Variants in TCERG1L observed in about 807,000 individuals in gnomAD.
TCERG1L encodes transcription elongation regulator 1 like.
TCERG1L carries 37 observed loss-of-function variants against 56.3 expected under a neutral mutation model. The observed-to-expected ratio is 0.66, with a 90% CI of 0.51 to 0.87. TCERG1L has a LOEUF of 0.87. Ranked by LOEUF, TCERG1L falls within the 40% of genes least tolerant of loss-of-function variation. TCERG1L has a pLI of 0.00. For missense variants in TCERG1L, 799 were observed against 774.2 expected (o/e 1.03, Z -0.38); for synonymous variants, 324 against 326.3 (o/e 0.99, Z 0.08).
At chr10:131,196,104 A>G (rs1015690098) in intron 4 of TCERG1L, among the ~76,000 whole-genome samples, 4 of 152,248 alleles carry the variant, frequency 2.6e-5, no homozygotes, top group Non-Finnish European at 4.4e-5. Flanking sequence ...CCCAGTATTC[A>G]TGGTACTCCC....
chr10:131,196,576 A>G (rs10765047), intron 4 of TCERG1L, among the ~76,000 whole-genome samples: 56,186 of 152,114 alleles, frequency 0.37, 10,558 homozygotes, highest in Middle Eastern at 0.46. Flanking sequence ...TGAAAACTCT[A>G]TGATCAGTGC....
intron 3 of TCERG1L, among the ~76,000 whole-genome samples, chr10:131,292,063 A>G (rs992573299): frequency 1.3e-5 from 2 of 152,164 alleles, no homozygotes; most frequent in African/African-American, 4.8e-5. Flanking sequence ...TCAAAATGTA[A>G]AAGTATATAA....
At chr10:131,218,747 A>C (rs768491111) in intron 4 of TCERG1L, among the ~76,000 whole-genome samples, 5 of 152,186 alleles carry the variant, frequency 3.3e-5, no homozygotes, top group Non-Finnish European at 7.3e-5. Flanking sequence ...TCCTCCGGGA[A>C]GCAGCTGGGC....
At chr10:131,206,627 G>A (rs969938663) in intron 4 of TCERG1L, among the ~76,000 whole-genome samples, 11 of 152,160 alleles carry the variant, frequency 7.2e-5, no homozygotes, top group African/African-American at 2.4e-4. Flanking sequence ...CAGAGGTCAC[G>A]TGTTCCCAAA....
At chr10:131,175,587 G>C (rs1307610041) in intron 4 of TCERG1L, among the ~76,000 whole-genome samples, 1 of 152,234 alleles carries the variant, frequency 6.6e-6, no homozygotes. Context: ...ATGAGTAAAT[G>C]AATGAGCTGA....
At chr10:131,200,780 A>G (rs1845423879) in intron 4 of TCERG1L, among the ~76,000 whole-genome samples, 3 of 152,214 alleles carry the variant, frequency 2.0e-5, no homozygotes, top group Non-Finnish European at 1.5e-5. Context: ...GTAGAATAAT[A>G]TAATTGAATA....
At chr10:131,160,021 TTAGAC>T (rs1318897312) in intron 6 of TCERG1L, among the ~76,000 whole-genome samples, 1 of 152,130 alleles carries the variant, frequency 6.6e-6, no homozygotes, top group Non-Finnish European at 1.5e-5. Context: ...GGGGCTGAGA[TTAGAC>T]TAAACATGAA....
rs1386057990 is a variant in TCERG1L, at chr10:131,134,266, G to GTTGAATTAGCTC, written c.1259+101_1259+112dup. ...GAAACCTCTTACCATCTGTCTAGCG[G>GTTGAATTAGCTC]TTGAATTAGCTCTTTGCTCATAGTC... On this transcript the variant is annotated intron_variant, in intron 8 of 11. Coordinates refer to ENST00000368642, the MANE Select transcript of TCERG1L (RefSeq NM_174937.4). The GTTGAATTAGCTC allele has an allele frequency of 1.5e-5, 14 of 958,830 alleles. No individual in the cohort carries two copies. In the East Asian group the frequency reaches 3.7e-4, roughly 25 times the overall value. 59.4% of individuals were successfully genotyped at this position (958,830 alleles called of 1,614,324 possible).
chr10:131,285,550 G>T (rs1846529321), intron 3 of TCERG1L, among the ~76,000 whole-genome samples: 2 of 139,058 alleles, frequency 1.4e-5, no homozygotes, highest in African/African-American at 5.6e-5. Flanking sequence ...AAGAAAGAAA[G>T]GAAGGAAGAA....
chr10:131,168,284 C>A (rs763785769), intron 4 of TCERG1L, among the ~76,000 whole-genome samples: 2 of 152,202 alleles, frequency 1.3e-5, no homozygotes, highest in Non-Finnish European at 2.9e-5. Flanking sequence ...CACACCCCAC[C>A]TTCTAGCCTT....
chr10:131,210,746 C>T (rs1845608488), intron 4 of TCERG1L, among the ~76,000 whole-genome samples: 1 of 152,080 alleles, frequency 6.6e-6, no homozygotes, highest in African/African-American at 2.4e-5. Context: ...CTTTGCTAAC[C>T]ACCCCATCAG....
At chr10:131,289,479 GTGTA>G (rs1375203879) in intron 3 of TCERG1L, among the ~76,000 whole-genome samples, 1 of 136,210 alleles carries the variant, frequency 7.3e-6, no homozygotes. Context: ...GTGTGTGTGA[GTGTA>G]TGTGTGCACC....
chr10:131,305,221 G>C (rs1359571196), intron 3 of TCERG1L, among the ~76,000 whole-genome samples: 2 of 152,050 alleles, frequency 1.3e-5, no homozygotes, highest in Non-Finnish European at 2.9e-5. Flanking sequence ...CTAGCCCTTT[G>C]GGAGGCTCAA....
intron 4 of TCERG1L, among the ~76,000 whole-genome samples, chr10:131,256,997 GAAAGAAAGAAAGAAAGAAAGAAAGAAA>G (rs1846177055): frequency 1.3e-5 from 1 of 74,168 alleles, no homozygotes; most frequent in Non-Finnish European, 3.0e-5. Context: ...AGGAAGGAAA[GAAAGAAAGAAAGAAAGAAAGAAAGAAA>G]GAAAGAAAGA....
rs367863849 is a variant in TCERG1L, at chr10:131,195,317, C to T, written c.857-28432G>A. Among the ~76,000 whole-genome samples the T allele has an allele frequency of 4.7e-4, 71 of 152,324 alleles. No homozygotes were observed. The South Asian group carries it at 0.015, about 31-fold the overall frequency. ...TTTTGCACCTGTGCACATCTCAACCCAGAGACAACAGACACAGGGGCAGAA... is the reference window on the plus strand; with the variant it reads ...TTTTGCACCTGTGCACATCTCAACCTAGAGACAACAGACACAGGGGCAGAA... On this transcript the variant is annotated intron_variant, in intron 4 of 11. Transcript: ENST00000368642.
intron 6 of TCERG1L, chr10:131,161,969 T>C (rs1332168611): frequency 6.6e-6 from 1 of 152,180 alleles, no homozygotes; most frequent in Non-Finnish European, 1.5e-5. Context: ...GTAAAGCGCT[T>C]CCTGAGTTCT....
chr10:131,177,808 G>A (rs1350863900), intron 4 of TCERG1L, among the ~76,000 whole-genome samples: 1 of 151,346 alleles, frequency 6.6e-6, no homozygotes, highest in Non-Finnish European at 1.5e-5. Flanking sequence ...ACTCTGGATC[G>A]ATGCCCCCCA....
chr10:131,242,042 A>G (rs1430901679), intron 4 of TCERG1L, among the ~76,000 whole-genome samples: 1 of 152,236 alleles, frequency 6.6e-6, no homozygotes, highest in Non-Finnish European at 1.5e-5. Flanking sequence ...GCAACCTATC[A>G]ATCAAGTTTG....
intron 4 of TCERG1L, among the ~76,000 whole-genome samples, chr10:131,250,859 G>T (rs1300677682): frequency 6.6e-6 from 1 of 152,136 alleles, no homozygotes; most frequent in Non-Finnish European, 1.5e-5. Context: ...TTAGCTGGGT[G>T]GTCTCCCAAG....
Sources: allele counts gnomAD v4.1 joint callset (sites outside exome capture counted in the v4.1 genomes callset), GRCh38; gene constraint gnomAD v4.1.1; transcripts MANE v1.5; gene names NCBI Gene and HGNC (gene_info 2026-07-23, HGNC 2026-07-21).